PI15: variants seen among roughly 807,000 people sequenced by gnomAD.
PI15 encodes 25 kDa trypsin inhibitor.
A neutral mutation model predicts 31.0 loss-of-function variants in PI15; 18 were observed. That is an observed-to-expected ratio of 0.58 (90% CI 0.40 to 0.86). The LOEUF (loss-of-function observed/expected upper bound fraction) is 0.86. Ranked by LOEUF, PI15 falls within the 40% of genes least tolerant of loss-of-function variation. The pLI, the probability that PI15 is intolerant of heterozygous loss-of-function variation, is 0.00. For synonymous variants in PI15, 118 were observed against 119.1 expected (o/e 0.99, Z 0.06); for missense variants, 282 against 328.1 (o/e 0.86, Z 1.09).
At chr8:74,843,285 TA>T (rs940743381) in intron 2 of PI15, among the ~76,000 whole-genome samples, 2 of 152,218 alleles carry the variant, frequency 1.3e-5, no homozygotes, top group Admixed American at 1.3e-4. Context: ...TTTTCTTTAC[TA>T]AAACTGATGT....
intron 2 of PI15, among the ~76,000 whole-genome samples, chr8:74,829,725 T>G (rs533682547): frequency 2.0e-5 from 3 of 152,150 alleles, no homozygotes; most frequent in African/African-American, 7.2e-5. Context: ...ATAAGATTGA[T>G]GTAATAAAAG....
chr8:74,835,339 A>G, intron 2 of PI15, among the ~76,000 whole-genome samples: 1 of 152,130 alleles, frequency 6.6e-6, no homozygotes, highest in East Asian at 1.9e-4. Context: ...AAGGTCTCCA[A>G]CCTTGAATTT....
chr8:74,839,916 TG>T (rs1231938496), intron 2 of PI15, among the ~76,000 whole-genome samples: 1 of 152,154 alleles, frequency 6.6e-6, no homozygotes, highest in African/African-American at 2.4e-5. Context: ...TTAAGTCAAA[TG>T]TTTATACAAT....
intron 2 of PI15, among the ~76,000 whole-genome samples, chr8:74,836,627 G>A (rs1267586529): frequency 2.0e-5 from 3 of 152,104 alleles, no homozygotes; most frequent in South Asian, 2.1e-4. Context: ...TGGAGATAAG[G>A]AGGAATCAGC....
At chr8:74,825,043 G>C in intron 1 of PI15, 167 bp from the exon 2 acceptor site, 1 of 627,930 alleles carries the variant, frequency 1.6e-6, no homozygotes, top group Admixed American at 2.5e-5. Flanking sequence ...ACTAAAAAAT[G>C]AATAGAGATT....
rs535007044 is a variant in PI15 at position 74,848,376 on chromosome 8, A to G, written c.642-742A>G. 4.6e-5 allele frequency among the ~76,000 whole-genome samples: 7 copies of G among 152,290 alleles called. No homozygotes were observed. In the East Asian group the frequency reaches 1.4e-3, roughly 29 times the overall value. On this transcript the variant is annotated intron_variant, in intron 5 of 5. Coordinates refer to ENST00000260113, the MANE Select transcript of PI15 (RefSeq NM_015886.5). ...AGATTGGGAAACTAAAATACTTTGCAGAAGCAAATCTCCTTTTATTTATGA... is the reference window on the plus strand; with the variant it reads ...AGATTGGGAAACTAAAATACTTTGCGGAAGCAAATCTCCTTTTATTTATGA...
intron 2 of PI15, among the ~76,000 whole-genome samples, chr8:74,829,023 C>T (rs953990678): frequency 6.9e-6 from 1 of 144,026 alleles, no homozygotes; most frequent in Non-Finnish European, 1.5e-5. Context: ...TTTACAGTTA[C>T]TTTGTGCATT....
chr8:74,829,599 A>G (rs765340831), intron 2 of PI15, among the ~76,000 whole-genome samples: 50 of 152,174 alleles, frequency 3.3e-4, no homozygotes, highest in Non-Finnish European at 1.3e-4. Context: ...TCTATGAGAG[A>G]AAGAGATCCA....
intron 2 of PI15, among the ~76,000 whole-genome samples, chr8:74,842,106 CT>C (rs1810954390): frequency 6.6e-6 from 1 of 151,850 alleles, no homozygotes; most frequent in Non-Finnish European, 1.5e-5. Context: ...ATCCATTATC[CT>C]TGAGGGAAAT....
intron 2 of PI15, among the ~76,000 whole-genome samples, chr8:74,829,968 C>A (rs1810757135): frequency 6.6e-6 from 1 of 152,000 alleles, no homozygotes; most frequent in African/African-American, 2.4e-5. Flanking sequence ...TTCCTTACTC[C>A]AAAGGCAATT....
chr8:74,837,406 C>T (rs907520467), intron 2 of PI15, among the ~76,000 whole-genome samples: 3 of 152,108 alleles, frequency 2.0e-5, no homozygotes, highest in Non-Finnish European at 2.9e-5. Context: ...TGCTGCCCTC[C>T]TGTCTGGTTT....
At chr8:74,841,997 C>T (rs566153161) in intron 2 of PI15, among the ~76,000 whole-genome samples, 2 of 150,836 alleles carry the variant, frequency 1.3e-5, no homozygotes, top group African/African-American at 4.8e-5. Context: ...GTAAGAGGGT[C>T]TCTTGAAGAG....
Position 74,845,491 on chromosome 8 carries a change from C to A in PI15, c.635C>A (p.Ala212Asp). The change falls in exon 5 of 6, where the codon GCC becomes GAC. Residue 212 changes from alanine (A) to aspartate (D), a missense_variant. By Grantham distance (126) the Ala-to-Asp change is moderately radical. Transcript: ENST00000260113. ...GCAGTTTACTTGGTATGCAACTATG[C>A]CCCAAAGTAAGTACCAGGTTGGATT... Reference protein sequence around the residue: ...RRAVYLVCNYAPKGNWIGEAP... With the variant: ...RRAVYLVCNYDPKGNWIGEAP... The A allele has an allele frequency of 6.3e-7, 1 of 1,591,260 alleles. No homozygotes were observed. Among genetic ancestry groups the A allele is most frequent in the Non-Finnish European group, 8.6e-7 (1 of 1,159,328 alleles).
At chr8:74,834,076 G>A (rs1003357246) in intron 2 of PI15, among the ~76,000 whole-genome samples, 5 of 152,118 alleles carry the variant, frequency 3.3e-5, no homozygotes, top group Non-Finnish European at 7.4e-5. Context: ...ATCTGAGATG[G>A]AACAGTTTCA....
chr8:74,840,546 G>T (rs577996378), intron 2 of PI15, among the ~76,000 whole-genome samples: 2 of 152,184 alleles, frequency 1.3e-5, no homozygotes, highest in Non-Finnish European at 2.9e-5. Flanking sequence ...GTAAATGTAG[G>T]TCTCAGCTTT....
At chr8:74,827,826 T>C (rs55845077) in intron 2 of PI15, among the ~76,000 whole-genome samples, 29,606 of 152,160 alleles carry the variant, frequency 0.19, 3,865 homozygotes, top group Non-Finnish European at 0.28. Flanking sequence ...AGAACCACTA[T>C]ATATGATTTA....
chr8:74,837,535 G>A (rs1164050142), intron 2 of PI15, among the ~76,000 whole-genome samples: 3 of 152,126 alleles, frequency 2.0e-5, no homozygotes, highest in Non-Finnish European at 4.4e-5. Context: ...TGCCTATGAA[G>A]TGTTTTTAAG....
At chr8:74,832,466 A>G (rs1390206220) in intron 2 of PI15, among the ~76,000 whole-genome samples, 3 of 152,102 alleles carry the variant, frequency 2.0e-5, no homozygotes, top group Non-Finnish European at 4.4e-5. Flanking sequence ...TGGAGACAGC[A>G]TAGGTGCATT....
chr8:74,825,705 A>G (rs959545064), intron 2 of PI15, among the ~76,000 whole-genome samples, 183 bp downstream of exon 2: 1 of 151,988 alleles, frequency 6.6e-6, no homozygotes, highest in Non-Finnish European at 1.5e-5. Context: ...AGAATCAGAG[A>G]GACAGAGAGG....
Sources: allele counts gnomAD v4.1 joint callset (sites outside exome capture counted in the v4.1 genomes callset), GRCh38; gene constraint gnomAD v4.1.1; transcripts MANE v1.5; gene names NCBI Gene and HGNC (gene_info 2026-07-23, HGNC 2026-07-21).